MCTP2: variants seen among roughly 807,000 people sequenced by gnomAD.
The protein encoded by MCTP2 is multiple C2 and transmembrane domain containing 2.
A neutral mutation model predicts 111.6 loss-of-function variants in MCTP2; 132 were observed. The observed-to-expected ratio is 1.18, with a 90% confidence interval of 1.03 to 1.37. The LOEUF is 1.37. Among genes scored for constraint, MCTP2 ranks in the 40% most tolerant of loss-of-function variants. The pLI is 0.00. For missense variants in MCTP2, 1,183 were observed against 1,067.9 expected (o/e 1.11, Z -1.50); for synonymous variants, 395 against 387.7 (o/e 1.02, Z -0.22).
At chr15:94,357,835 C>G (rs1343020524) in intron 9 of MCTP2, among the ~76,000 whole-genome samples, 1 of 152,142 alleles carries the variant, frequency 6.6e-6, no homozygotes. Flanking sequence ...TGCCAATAAA[C>G]CAAACGTAGA....
At chr15:94,434,403 T>C (rs2083355029) in intron 17 of MCTP2, among the ~76,000 whole-genome samples, 1 of 152,012 alleles carries the variant, frequency 6.6e-6, no homozygotes, top group Non-Finnish European at 1.5e-5. Context: ...ATTTTTCTAT[T>C]ACTCTTTATA....
At chr15:94,257,310 CTGATT>C (rs935566651) in intron 1 of MCTP2, among the ~76,000 whole-genome samples, 1 of 152,072 alleles carries the variant, frequency 6.6e-6, no homozygotes, top group Non-Finnish European at 1.5e-5. Flanking sequence ...GGACCCTTGT[CTGATT>C]TGACCACTGA....
rs117665652 is a variant in MCTP2, at chr15:94,442,881, G to A, written c.2209-38G>A. The A allele has an allele frequency of 4.2e-3, 6,581 of 1,575,566 alleles. 18 individuals carry two copies. The highest frequency in any genetic ancestry group is 4.9e-3 in the Non-Finnish European group (5,659 of 1,147,762). On this transcript the variant is annotated intron_variant, in intron 18 of 22. Coordinates refer to ENST00000357742, the MANE Select transcript of MCTP2 (RefSeq NM_001385001.1). ...AGTTTAATTTGCATTTGTTAATTTC[G>A]GTTGATGTTTCTATAAACACGTGGG...
chr15:94,368,333 C>T (rs1346725966), intron 11 of MCTP2, among the ~76,000 whole-genome samples: 1 of 152,206 alleles, frequency 6.6e-6, no homozygotes, highest in African/African-American at 2.4e-5. Flanking sequence ...TAACAGTCCA[C>T]TCAGCATTTT....
At position 94,329,065 on chromosome 15, in the gene MCTP2, G is replaced by A. The variant is rs28475815; in HGVS notation, c.638-10225G>A. ...GGTCCCAGCACAAGGCAGAAGCTGC[G>A]TCATCTTTTATGATGCAGCCTTGGA... is the stretch of plus-strand genomic sequence containing the variant. On this transcript the variant is annotated intron_variant, in intron 4 of 22. Transcript: ENST00000357742. Among the ~76,000 whole-genome samples the A allele has an allele frequency of 1.6e-3, 243 of 152,236 alleles. 2 individuals are homozygous for A. Among genetic ancestry groups the A allele is most frequent in the African/African-American group, 5.4e-3 (226 of 41,518 alleles).
chr15:94,243,893 AT>A (rs2071398770), intron 1 of MCTP2, among the ~76,000 whole-genome samples: 1 of 145,100 alleles, frequency 6.9e-6, no homozygotes, highest in African/African-American at 2.5e-5. Flanking sequence ...GTACACATAT[AT>A]GTATACACAT....
chr15:94,235,874 C>T (rs868397362), intron 1 of MCTP2, among the ~76,000 whole-genome samples: 24 of 152,206 alleles, frequency 1.6e-4, no homozygotes, highest in African/African-American at 5.8e-4. Flanking sequence ...GGCCAAGAGG[C>T]AGGCCTGGGA....
At chr15:94,243,526 CACAT>C (rs1431359591) in intron 1 of MCTP2, among the ~76,000 whole-genome samples, 1,531 of 111,356 alleles carry the variant, frequency 0.014, 88 homozygotes, top group African/African-American at 0.026. Flanking sequence ...CGTATGTACA[CACAT>C]ACGTATGCGT....
At chr15:94,280,564 C>T (rs776458922) in intron 1 of MCTP2, among the ~76,000 whole-genome samples, 11 of 151,232 alleles carry the variant, frequency 7.3e-5, no homozygotes, top group Non-Finnish European at 1.0e-4. Flanking sequence ...GTTTCATTGA[C>T]CTTTTGTATG....
chr15:94,338,322 C>T (rs1412611393), intron 4 of MCTP2, among the ~76,000 whole-genome samples: 1 of 152,232 alleles, frequency 6.6e-6, no homozygotes, highest in South Asian at 2.1e-4. Context: ...GTAGCGTTAT[C>T]AGCTGGCCTT....
intron 17 of MCTP2, chr15:94,403,220 C>T (rs1303950861): frequency 3.0e-6 from 3 of 984,668 alleles, no homozygotes; most frequent in Admixed American, 1.2e-4. Flanking sequence ...GTTGCTAAAA[C>T]ATTTGGCCTT....
chr15:94,461,703 T>A (rs1279943155), intron 20 of MCTP2, among the ~76,000 whole-genome samples: 3 of 151,960 alleles, frequency 2.0e-5, no homozygotes, highest in Non-Finnish European at 4.4e-5. Flanking sequence ...TCATAAGAAG[T>A]AGAACTGCCC....
chr15:94,381,928 T>G (rs1435328064), intron 12 of MCTP2, among the ~76,000 whole-genome samples: 1 of 152,244 alleles, frequency 6.6e-6, no homozygotes, highest in Non-Finnish European at 1.5e-5. Flanking sequence ...AGTTTGATTT[T>G]GACTCCCCAG....
At chr15:94,440,038 TGC>T in intron 17 of MCTP2, 136 bp from the exon 18 acceptor site, 43 of 936,888 alleles carry the variant, frequency 4.6e-5, no homozygotes, top group Non-Finnish European at 6.0e-5. Flanking sequence ...ATTGTGTGTG[TGC>T]GTACCTGTTT....
At chr15:94,317,233 A>C (rs2076415381) in intron 4 of MCTP2, among the ~76,000 whole-genome samples, 1 of 151,884 alleles carries the variant, frequency 6.6e-6, no homozygotes, top group South Asian at 2.1e-4. Flanking sequence ...TTTCTTTTAC[A>C]TGTTTGATTC....
chr15:94,479,011 C>T lies in MCTP2; in HGVS notation c.2614C>T (p.Arg872Trp), dbSNP rs771867206. ...LKLCSSHSPL[R>W]KKRSAL is the part of the protein sequence containing the mutation. ...ACTCTGCAGCAGCCACAGCCCCCTG[C>T]GGAAGAAGCGCAGCGCTCTCTAGGG... is the stretch of plus-strand genomic sequence containing the variant. Residue 872 changes from arginine to tryptophan, a missense_variant, in exon 23 of 23, where the codon CGG becomes TGG. Coordinates refer to ENST00000357742, the MANE Select transcript of MCTP2 (RefSeq NM_001385001.1). 1.3e-5 allele frequency: 21 copies of T among 1,614,048 alleles called. No homozygotes were observed. Among genetic ancestry groups the T allele is most frequent in the African/African-American group, 6.7e-5 (5 of 75,036 alleles).
intron 4 of MCTP2, among the ~76,000 whole-genome samples, chr15:94,334,970 T>A (rs1379151393): frequency 6.6e-6 from 1 of 152,220 alleles, no homozygotes; most frequent in African/African-American, 2.4e-5. Flanking sequence ...CCCTTTCCCA[T>A]CCGTGGAGTG....
At chr15:94,399,202 G>A in intron 15 of MCTP2, 140 bp downstream of exon 15, 1 of 575,988 alleles carries the variant, frequency 1.7e-6, no homozygotes, top group East Asian at 2.8e-5. Flanking sequence ...TTAAAGCTGT[G>A]CATTTTATAA....
chr15:94,316,692 C>G lies in MCTP2; in HGVS notation c.637+1055C>G, dbSNP rs569325231. Among the ~76,000 whole-genome samples the G allele has an allele frequency of 2.6e-5, 4 of 152,236 alleles. No individual in the cohort carries two copies. In the East Asian group the frequency reaches 7.7e-4, roughly 29 times the overall value. ...ATATTGCAAATATTTTTCTCCCAGT[C>G]TGTTGCTTATCCTTAATTGTATGGC... On this transcript the variant is annotated intron_variant, in intron 4 of 22. Coordinates refer to ENST00000357742, the MANE Select transcript of MCTP2 (RefSeq NM_001385001.1).
Sources: gnomAD v4.1 joint callset for allele counts (sites outside exome capture counted in the v4.1 genomes callset) on GRCh38, gnomAD v4.1.1 for gene constraint, MANE v1.5 for transcripts, NCBI Gene and HGNC (gene_info 2026-07-23, HGNC 2026-07-21) for gene names.